The following CEP170 variants were observed in gnomAD, a reference collection of about 807,000 sequenced individuals.
CEP170 encodes the protein centrosomal protein 170.
A neutral mutation model predicts 151.9 loss-of-function variants in CEP170; 21 were observed. The observed-to-expected ratio is 0.14, with a 90% confidence interval of 0.10 to 0.20. The LOEUF (loss-of-function observed/expected upper bound fraction) is 0.20, where lower values mean the gene tolerates loss of function less well. Among genes scored for constraint, CEP170 ranks in the 10% least tolerant of loss-of-function variants. CEP170 has a pLI of 1.00. For missense variants in CEP170, 964 were observed against 1,892.9 expected (o/e 0.51, Z 9.11); for synonymous variants, 356 against 648.8 (o/e 0.55, Z 6.86).
At chr1:243,196,018 A>ATC (rs1355873957) in intron 7 of CEP170, among the ~76,000 whole-genome samples, 1 of 152,112 alleles carries the variant, frequency 6.6e-6, no homozygotes, top group African/African-American at 2.4e-5. Context: ...GCTTTTGGTC[A>ATC]TCTAGCAGAA....
intron 1 of CEP170, among the ~76,000 whole-genome samples, chr1:243,227,292 A>T (rs1304016324): frequency 6.6e-6 from 1 of 152,212 alleles, no homozygotes; most frequent in African/African-American, 2.4e-5. Context: ...TGTCACTTAA[A>T]TTCCTTGAAG....
rs536303802 is a variant in CEP170, at chr1:243,133,810, C to A, written c.4319+2333G>T. Among the ~76,000 whole-genome samples, 38 of 152,208 alleles carry A rather than the reference C, an allele frequency of 2.5e-4. No individual in the cohort carries two copies. The South Asian group carries it at 7.7e-3, about 31-fold the overall frequency. ...AGGGGAAAACATGTACTATATCTCA[C>A]GTAAGACAATAACAGGGTGCTAATT... is the stretch of plus-strand genomic sequence containing the variant. On this transcript the variant is annotated intron_variant, in intron 17 of 19. Coordinates refer to ENST00000366542, the MANE Select transcript of CEP170 (RefSeq NM_014812.3).
chr1:243,243,819 C>A (rs1312662030), intron 1 of CEP170, among the ~76,000 whole-genome samples: 1 of 152,108 alleles, frequency 6.6e-6, no homozygotes, highest in Non-Finnish European at 1.5e-5. Context: ...AGCCACCACG[C>A]CCGTCCATCA....
chr1:243,220,706 C>T (rs12737589), intron 3 of CEP170, among the ~76,000 whole-genome samples: 5,525 of 152,230 alleles, frequency 0.036, 171 homozygotes, highest in Non-Finnish European at 0.052. Flanking sequence ...CAGATAGGAA[C>T]AACACAGTAT....
intron 1 of CEP170, among the ~76,000 whole-genome samples, chr1:243,237,916 C>T (rs1301069689): frequency 6.6e-6 from 1 of 152,034 alleles, no homozygotes; most frequent in Non-Finnish European, 1.5e-5. Context: ...AAAAAGACAG[C>T]ATCATTATGA....
chr1:243,239,246 G>C (rs1009172944), intron 1 of CEP170, among the ~76,000 whole-genome samples: 2 of 152,102 alleles, frequency 1.3e-5, no homozygotes, highest in African/African-American at 4.8e-5. Flanking sequence ...CTTAGCGAAT[G>C]GCATCACCAA....
intron 11 of CEP170, among the ~76,000 whole-genome samples, chr1:243,169,980 T>A (rs2058714311): frequency 1.3e-5 from 2 of 152,160 alleles, no homozygotes; most frequent in South Asian, 4.1e-4. Flanking sequence ...CACCTCTCAA[T>A]GAAAATCCAA....
At chr1:243,225,778 A>G (rs558637186) in intron 1 of CEP170, among the ~76,000 whole-genome samples, 1 of 152,230 alleles carries the variant, frequency 6.6e-6, no homozygotes, top group East Asian at 1.9e-4. Flanking sequence ...TATGTTGACC[A>G]AATAAATTGC....
intron 7 of CEP170, among the ~76,000 whole-genome samples, chr1:243,194,412 T>G (rs1173889884): frequency 1.3e-5 from 2 of 152,018 alleles, no homozygotes; most frequent in African/African-American, 2.4e-5. Flanking sequence ...TTGATGATTT[T>G]GAGTCATAAG....
At chr1:243,170,887 G>T (rs1188688880) in intron 11 of CEP170, among the ~76,000 whole-genome samples, 1 of 152,152 alleles carries the variant, frequency 6.6e-6, no homozygotes, top group African/African-American at 2.4e-5. Context: ...CCCATCCAAG[G>T]TTTTCTGTTA....
In CEP170 at chr1:243,125,575, T is replaced by C. The variant is rs2053632604; in HGVS notation, c.*874A>G. Reference sequence around the variant, plus strand: ...ATACATGTTCTGAGTTTTAAAAATATACTCCACCTAAACTATCTGTCTAGT... The same window carrying C: ...ATACATGTTCTGAGTTTTAAAAATACACTCCACCTAAACTATCTGTCTAGT... On this transcript the variant is annotated 3_prime_UTR_variant, in exon 20 of 20. Coordinates refer to ENST00000366542, the MANE Select transcript of CEP170 (RefSeq NM_014812.3). 6.5e-6 allele frequency: 1 copy of C among 153,070 alleles called. No individual in the cohort carries two copies. Among genetic ancestry groups the C allele is most frequent in the Non-Finnish European group, 1.5e-5 (1 of 68,498 alleles). 9.5% of individuals were successfully genotyped at this position (153,070 alleles called of 1,614,324 possible). A position where few individuals can be genotyped will look rare whatever the true frequency, so the allele number is the denominator to read the frequency against.
chr1:243,179,891 T>A (rs2059506909), intron 10 of CEP170, among the ~76,000 whole-genome samples: 1 of 152,108 alleles, frequency 6.6e-6, no homozygotes, highest in South Asian at 2.1e-4. Flanking sequence ...AACATGGCAA[T>A]CTGATGGAGA....
chr1:243,238,302 AT>A (rs1392377925), intron 1 of CEP170, among the ~76,000 whole-genome samples: 1 of 152,142 alleles, frequency 6.6e-6, no homozygotes, highest in Non-Finnish European at 1.5e-5. Context: ...AATAAAAAAA[AT>A]AAATAAATTG....
At chr1:243,180,053 G>A (rs183106037) in intron 10 of CEP170, among the ~76,000 whole-genome samples, 6 of 152,206 alleles carry the variant, frequency 3.9e-5, no homozygotes, top group East Asian at 1.9e-4. Flanking sequence ...CATTTTAAAC[G>A]TATTTAATAA....
At position 243,225,203 on chromosome 1, in the gene CEP170, T is replaced by A; in HGVS notation, c.78A>T (p.Gly26=). 2 of 1,602,030 alleles carry A rather than the reference T, an allele frequency of 1.2e-6. No individual in the cohort carries two copies. Among genetic ancestry groups the A allele is most frequent in the Non-Finnish European group, 1.7e-6 (2 of 1,174,818 alleles). The part of the protein sequence containing the change: ...HRLPREMIFV[G]RDDCELMLQS... ...GCAACATGAGCTCACAGTCATCTCT[T>A]CCAACAAAAATCATTTCTCGTGGCA... The change falls in exon 2 of 20, where the codon GGA becomes GGT. Residue 26 remains glycine (G), a synonymous_variant. Transcript: ENST00000366542.
At position 243,224,541 on chromosome 1, in the gene CEP170, G is replaced by A. The variant is rs1301777993; in HGVS notation, c.105+635C>T. 1.3e-5 allele frequency among the ~76,000 whole-genome samples: 2 copies of A among 151,942 alleles called. 1 individual carries two copies. Among genetic ancestry groups the A allele is most frequent in the Admixed American group, 1.3e-4 (2 of 15,260 alleles). Reference sequence around the variant, plus strand: ...TGGGCCGCATTCAAAGCCGTCCTGGGCCTCAGGTTGGATGAACTTGTTTTA... The same window carrying A: ...TGGGCCGCATTCAAAGCCGTCCTGGACCTCAGGTTGGATGAACTTGTTTTA... On this transcript the variant is annotated intron_variant, in intron 2 of 19. Transcript: ENST00000366542.
At position 243,142,863 on chromosome 1, in the gene CEP170, G is replaced by C. The variant is rs564970617; in HGVS notation, c.3912-400C>G. Among the ~76,000 whole-genome samples, 3 of 152,254 alleles carry C rather than the reference G, an allele frequency of 2.0e-5. No individual in the cohort carries two copies. In the South Asian group the frequency reaches 6.2e-4, roughly 32 times the overall value. On this transcript the variant is annotated intron_variant, in intron 14 of 19. Coordinates refer to ENST00000366542, the MANE Select transcript of CEP170 (RefSeq NM_014812.3). ...TTCACTAACCTCTAAGTGACGCTTA[G>C]CATTTCTTTCAATTATAAATACAGG...
At chr1:243,243,057 A>G (rs985236461) in intron 1 of CEP170, among the ~76,000 whole-genome samples, 3 of 152,188 alleles carry the variant, frequency 2.0e-5, no homozygotes, top group African/African-American at 7.2e-5. Context: ...GGAATTTGTT[A>G]TACACCACTT....
chr1:243,236,584 C>A (rs2064273845), intron 1 of CEP170, among the ~76,000 whole-genome samples: 1 of 152,178 alleles, frequency 6.6e-6, no homozygotes, highest in Non-Finnish European at 1.5e-5. Flanking sequence ...GGCCAAAAAT[C>A]AGCGGATCAA....
Sources: allele counts gnomAD v4.1 joint callset (sites outside exome capture counted in the v4.1 genomes callset), GRCh38; gene constraint gnomAD v4.1.1; transcripts MANE v1.5; gene names NCBI Gene and HGNC (gene_info 2026-07-23, HGNC 2026-07-21).